Variants in VCAN observed in about 807,000 individuals in gnomAD.
VCAN encodes the protein versican.
VCAN carries 44 observed loss-of-function variants against 245.5 expected under a neutral mutation model. The ratio of observed to expected loss-of-function variants is 0.18; its 90% CI spans 0.14 to 0.23. The LOEUF is 0.23. VCAN is among the 10% of genes least tolerant of loss of function. VCAN has a pLI of 1.00. For missense variants in VCAN, 3,793 were observed against 4,057.9 expected (o/e 0.93, Z 1.77); for synonymous variants, 1,413 against 1,437.0 (o/e 0.98, Z 0.38).
intron 12 of VCAN, among the ~76,000 whole-genome samples, chr5:83,555,476 T>C: frequency 6.6e-6 from 1 of 152,242 alleles, no homozygotes; most frequent in East Asian, 1.9e-4. Context: ...TATCCATTTA[T>C]TTTTATCTTA....
intron 1 of VCAN, among the ~76,000 whole-genome samples, chr5:83,479,485 A>T (rs886927561): frequency 1.3e-5 from 2 of 152,112 alleles, no homozygotes; most frequent in Non-Finnish European, 2.9e-5. Flanking sequence ...TTGTTCAATG[A>T]CTTTCTTCCC....
chr5:83,520,731 A>G lies in VCAN; in HGVS notation c.2425A>G (p.Asn809Asp). ...ATCAAAATGGTCATGGGATGAAGAT[A>G]ATACAACATCCAAGCCTTTAGAGTC... ...TVSKWSWDED[N>D]TTSKPLESTE... Residue 809 changes from asparagine to aspartate, a missense_variant, in exon 7 of 15, where the codon AAT (asparagine) becomes GAT (aspartate). This residue lies in a region of VCAN where 3,182 missense variants were observed against 3,250.3 expected (regional missense o/e 0.98). Coordinates refer to ENST00000265077, the MANE Select transcript of VCAN (RefSeq NM_004385.5). 6.2e-7 allele frequency: 1 copy of G among 1,614,148 alleles called. No homozygotes were observed. The highest frequency in any genetic ancestry group is 2.2e-5 in the East Asian group (1 of 44,876).
chr5:83,538,892 A>C lies in VCAN; in HGVS notation c.5889A>C (p.Ala1963=). The change falls in exon 8 of 15, where the codon GCA becomes GCC. Residue 1963 remains alanine, a synonymous_variant. Transcript: ENST00000265077. ...TGATGGAAGGCTCTGGAGATGCAGC[A>C]TTTAGGGACACCCAGACTTCACCAT... ...TVMMEGSGDA[A]FRDTQTSPST... 1 of 1,613,992 alleles carries C rather than the reference A, an allele frequency of 6.2e-7. No homozygotes were observed. The highest frequency in any genetic ancestry group is 1.1e-5 in the South Asian group (1 of 91,078).
At chr5:83,570,825 CTTTT>C (rs5869186) in intron 12 of VCAN, among the ~76,000 whole-genome samples, 1 of 145,972 alleles carries the variant, frequency 6.9e-6, no homozygotes. Context: ...TGGACCTTCC[CTTTT>C]TTTTTTTTTT....
In VCAN at chr5:83,564,261, T is replaced by C. The variant is rs142768921; in HGVS notation, c.9736-8155T>C. On this transcript the variant is annotated intron_variant, in intron 12 of 14. Transcript: ENST00000265077. ...GGGGGACATATTCCAAGTTCTCTTT[T>C]GTTAAGTGGTGTAGCCGTTAATTCA... Among the ~76,000 whole-genome samples the C allele has an allele frequency of 3.2e-4, 48 of 152,268 alleles. 1 individual carries two copies. Among genetic ancestry groups the C allele is most frequent in the Admixed American group, 6.5e-4 (10 of 15,276 alleles).
At chr5:83,559,875 AATG>A (rs1266025443) in intron 12 of VCAN, among the ~76,000 whole-genome samples, 1 of 152,268 alleles carries the variant, frequency 6.6e-6, no homozygotes, top group Middle Eastern at 3.4e-3. Flanking sequence ...TGAATCCTGA[AATG>A]AACACATTAT....
chr5:83,503,537 A>T (rs1332433280), intron 5 of VCAN, among the ~76,000 whole-genome samples: 3 of 152,262 alleles, frequency 2.0e-5, no homozygotes, highest in Admixed American at 6.5e-5. Flanking sequence ...AAACCAAAAG[A>T]GCAGGGAGTG....
chr5:83,526,243 A>G (rs1002409231), intron 7 of VCAN, among the ~76,000 whole-genome samples: 19 of 152,198 alleles, frequency 1.2e-4, no homozygotes, highest in Admixed American at 3.9e-4. Context: ...CAGCCAAGTC[A>G]TCACTTTTTA....
intron 6 of VCAN, 113 bp downstream of exon 6, chr5:83,512,509 G>C (rs1003574950): frequency 2.9e-5 from 38 of 1,304,136 alleles, no homozygotes; most frequent in Non-Finnish European, 3.7e-5. Flanking sequence ...GTGTGTGCAC[G>C]GAATGGAAAC....
chr5:83,483,111 T>C (rs987573752), intron 1 of VCAN, among the ~76,000 whole-genome samples: 1 of 152,234 alleles, frequency 6.6e-6, no homozygotes, highest in African/African-American at 2.4e-5. Flanking sequence ...TATGATCAGC[T>C]GTCTGTTTCT....
chr5:83,532,026 T>C (rs1746541682), intron 7 of VCAN, among the ~76,000 whole-genome samples: 1 of 152,166 alleles, frequency 6.6e-6, no homozygotes, highest in Non-Finnish European at 1.5e-5. Flanking sequence ...TAGAGCAGTC[T>C]TTTATAAGAC....
Position 83,522,157 on chromosome 5 carries a change from G to C in VCAN, c.3851G>C (p.Ser1284Thr). The change falls in exon 7 of 15, where the codon AGT becomes ACT. Residue 1284 changes from serine to threonine, a missense_variant. This residue lies in a region of VCAN where 3,182 missense variants were observed against 3,250.3 expected (regional missense o/e 0.98). Coordinates refer to ENST00000265077, the MANE Select transcript of VCAN (RefSeq NM_004385.5). ...DIDREYFTTSSPPATQPTRPP... is the reference protein window; with the variant it reads ...DIDREYFTTSTPPATQPTRPP... ...GATAGAGAGTATTTCACGACTTCAA[G>C]TCCTCCTGCTACACAGCCAACAAGA... is the stretch of plus-strand genomic sequence containing the variant. 1 of 1,611,298 alleles carries C rather than the reference G, an allele frequency of 6.2e-7. No homozygotes were observed. The highest frequency in any genetic ancestry group is 8.5e-7 in the Non-Finnish European group (1 of 1,179,998).
Position 83,539,214 on chromosome 5 carries a change from G to T in VCAN, c.6211G>T (p.Ala2071Ser). The change falls in exon 8 of 15, where the codon GCT becomes TCT. Residue 2071 changes from alanine (A) to serine (S), a missense_variant. Physicochemically the swap from Ala to Ser is moderately conservative, Grantham distance 99. Coordinates refer to ENST00000265077, the MANE Select transcript of VCAN (RefSeq NM_004385.5). ...LPTAEVEGTKAPVEKEEVKVS... is the reference protein window; with the variant it reads ...LPTAEVEGTKSPVEKEEVKVS... ...AACAGCAGAAGTGGAAGGTACGAAA[G>T]CTCCAGTAGAGAAGGAGGAAGTAAA... 6.2e-7 allele frequency: 1 copy of T among 1,614,032 alleles called. No homozygotes were observed. Among genetic ancestry groups the T allele is most frequent in the Admixed American group, 1.7e-5 (1 of 59,948 alleles).
At position 83,521,233 on chromosome 5, in the gene VCAN, C is replaced by A. The variant is rs1746084416; in HGVS notation, c.2927C>A (p.Ser976Tyr). ...YVDSSHTIPL[S>Y]VIPKTDWGVL... ...GACTCTTCCCATACCATTCCTCTTT[C>A]TGTAATTCCCAAGACAGACTGGGGA... The change falls in exon 7 of 15, where the codon TCT becomes TAT. Residue 976 changes from serine to tyrosine, a missense_variant. Ser to Tyr is a moderately radical substitution (Grantham distance 144, BLOSUM62 -2). Transcript: ENST00000265077. 1.2e-6 allele frequency: 2 copies of A among 1,613,930 alleles called. No individual in the cohort carries two copies. The highest frequency in any genetic ancestry group is 1.7e-6 in the Non-Finnish European group (2 of 1,179,914).
intron 7 of VCAN, among the ~76,000 whole-genome samples, chr5:83,525,156 G>C (rs1413957833): frequency 6.6e-6 from 1 of 151,162 alleles, no homozygotes; most frequent in Non-Finnish European, 1.5e-5. Context: ...TCTAGCTAGA[G>C]GGCAACTGTA....
Position 83,490,308 on chromosome 5 carries a change from G to A in VCAN, c.281G>A (p.Gly94Asp), listed in dbSNP as rs1744937444. ...GCCCAAAATGGAAATATCAAGATTG[G>A]TCAGGACTACAAAGGGAGAGTGTCT... ...LVAQNGNIKI[G>D]QDYKGRVSVP... The change falls in exon 3 of 15, where the codon GGT (glycine) becomes GAT (aspartate). Residue 94 changes from glycine (G) to aspartate (D), a missense_variant. By Grantham distance (94) the Gly-to-Asp change is moderately conservative. Around this residue, in one of 5 missense-constraint regions of VCAN, gnomAD observed 179 missense variants for 169.7 expected, o/e 1.05. Transcript: ENST00000265077. The A allele has an allele frequency of 1.2e-5, 19 of 1,614,200 alleles. No homozygotes were observed. Among genetic ancestry groups the A allele is most frequent in the Non-Finnish European group, 1.6e-5 (19 of 1,180,044 alleles).
In VCAN at chr5:83,493,903, T is replaced by C. The variant is rs750513789; in HGVS notation, c.720T>C (p.Asp240=). The change falls in exon 5 of 15, where the codon GAT becomes GAC. Residue 240 remains aspartate (D), a synonymous_variant. Transcript: ENST00000265077. ...YGFRSPQETY[D]VYCYVDHLDG... is the part of the protein sequence containing the mutation. ...TCCGTTCTCCCCAGGAAACTTACGA[T>C]GTGTATTGTTATGTGGATCATCTGG... 7 of 1,613,964 alleles carry C rather than the reference T, an allele frequency of 4.3e-6. No homozygotes were observed. Among genetic ancestry groups the C allele is most frequent in the African/African-American group, 4.0e-5 (3 of 74,902 alleles).
intron 14 of VCAN, 27 bp from the exon 15 acceptor site, chr5:83,580,280 T>C (rs2112511149): frequency 1.2e-6 from 2 of 1,613,622 alleles, no homozygotes; most frequent in East Asian, 2.2e-5. Flanking sequence ...GTGTGTTTTC[T>C]TTTTTTCTTT....
rs1746834685 is a variant in VCAN, at chr5:83,538,760, A to G, written c.5757A>G (p.Ala1919=). Residue 1919 remains alanine, a synonymous_variant, in exon 8 of 15, where the codon GCA becomes GCG. Transcript: ENST00000265077. ...GATTAGGAGAACCAAATTATGGGGCAGAAATAAGGGGCTTTTCCACAGGTT... is the reference window on the plus strand; with the variant it reads ...GATTAGGAGAACCAAATTATGGGGCGGAAATAAGGGGCTTTTCCACAGGTT... ...SERLGEPNYG[A]EIRGFSTGFP... The G allele has an allele frequency of 6.2e-7, 1 of 1,614,064 alleles. No homozygotes were observed. The highest frequency in any genetic ancestry group is 1.1e-5 in the South Asian group (1 of 91,086).
Sources: allele counts gnomAD v4.1 joint callset (sites outside exome capture counted in the v4.1 genomes callset), GRCh38; gene constraint gnomAD v4.1.1; regional missense constraint gnomAD v4.1.1; transcripts MANE v1.5; gene names NCBI Gene and HGNC (gene_info 2026-07-23, HGNC 2026-07-21).